Variants in CTNNA2 observed in about 807,000 individuals in gnomAD.
The protein encoded by CTNNA2 is catenin alpha 2.
A neutral mutation model predicts 101.0 loss-of-function variants in CTNNA2; 42 were observed. That is an observed-to-expected ratio of 0.42 (90% CI 0.32 to 0.54). The LOEUF is 0.54. Among genes scored for constraint, CTNNA2 ranks in the 20% least tolerant of loss-of-function variants. The probability of loss-of-function intolerance (pLI) is 0.14; values close to 1 mark genes in which losing one functional copy is unlikely to be tolerated. For synonymous variants in CTNNA2, 450 were observed against 456.4 expected, an observed-to-expected ratio of 0.99 and a Z score of 0.18; for missense variants, 871 against 1,223.1, an observed-to-expected ratio of 0.71 and a Z score of 4.29.
At chr2:79,447,123 G>T (rs937254706) in intron 4 of CTNNA2, among the ~76,000 whole-genome samples, 1 of 152,012 alleles carries the variant, frequency 6.6e-6, no homozygotes, top group African/African-American at 2.4e-5. Flanking sequence ...GGAGTTAGGA[G>T]CCCCGGGTGT....
At chr2:79,466,142 G>T (rs904171372) in intron 4 of CTNNA2, among the ~76,000 whole-genome samples, 1 of 152,190 alleles carries the variant, frequency 6.6e-6, no homozygotes, top group African/African-American at 2.4e-5. Context: ...CTAGCCAAGG[G>T]TAGCTGTGAC....
intron 2 of CTNNA2, among the ~76,000 whole-genome samples, chr2:79,679,132 T>G (rs1054462794): frequency 5.3e-5 from 8 of 152,348 alleles, no homozygotes; most frequent in Admixed American, 2.6e-4. Context: ...ATTATAAAAC[T>G]GTGTTTCGCC....
intron 7 of CTNNA2, among the ~76,000 whole-genome samples, chr2:80,343,222 C>T (rs191686639): frequency 2.1e-4 from 32 of 152,220 alleles, no homozygotes; most frequent in Non-Finnish European, 2.6e-4. Context: ...CATAACACTA[C>T]GTCACATTCT....
At chr2:80,595,205 C>A (rs985564592) in intron 15 of CTNNA2, among the ~76,000 whole-genome samples, 2 of 152,128 alleles carry the variant, frequency 1.3e-5, no homozygotes, top group African/African-American at 4.8e-5. Flanking sequence ...TCTTCTGACT[C>A]CATGGTTAAG....
At chr2:80,415,786 A>G (rs1679984341) in intron 8 of CTNNA2, among the ~76,000 whole-genome samples, 1 of 152,170 alleles carries the variant, frequency 6.6e-6, no homozygotes. Flanking sequence ...CCAAGTATCC[A>G]CTGACAGATA....
At chr2:79,261,782 C>T (rs1211998501) in intron 2 of CTNNA2, among the ~76,000 whole-genome samples, 1 of 152,198 alleles carries the variant, frequency 6.6e-6, no homozygotes, top group Non-Finnish European at 1.5e-5. Context: ...CAGGCTTCAA[C>T]CCATAAATTT....
chr2:79,519,737 G>T (rs942571761), intron 1 of CTNNA2, among the ~76,000 whole-genome samples: 8 of 151,938 alleles, frequency 5.3e-5, no homozygotes, highest in Non-Finnish European at 1.2e-4. Flanking sequence ...TGCAAATTTA[G>T]CTTCACAGTC....
intron 1 of CTNNA2, among the ~76,000 whole-genome samples, chr2:79,575,940 T>G (rs1675766259): frequency 6.6e-6 from 1 of 152,182 alleles, no homozygotes; most frequent in Admixed American, 6.5e-5. Context: ...ATCTTAACTA[T>G]CTCTCAGGAC....
At chr2:79,694,163 G>A (rs1313533103) in intron 2 of CTNNA2, among the ~76,000 whole-genome samples, 3 of 151,746 alleles carry the variant, frequency 2.0e-5, no homozygotes, top group Admixed American at 6.6e-5. Context: ...AAATTGCGTC[G>A]CCTAATTTAG....
intron 1 of CTNNA2, chr2:79,574,322 T>C (rs1004369269): frequency 6.6e-6 from 1 of 152,174 alleles, no homozygotes; most frequent in East Asian, 1.9e-4. Context: ...TCACCCGTAA[T>C]AAGCATAGTA....
At chr2:80,324,038 GA>G (rs1371481421) in intron 7 of CTNNA2, among the ~76,000 whole-genome samples, 1 of 152,112 alleles carries the variant, frequency 6.6e-6, no homozygotes, top group African/African-American at 2.4e-5. Context: ...CTTGCATCAA[GA>G]GAGAAAAAAA....
intron 7 of CTNNA2, among the ~76,000 whole-genome samples, chr2:79,940,287 A>G (rs1291142592): frequency 2.0e-5 from 3 of 152,212 alleles, no homozygotes; most frequent in African/African-American, 4.8e-5. Context: ...TGAAAAGACA[A>G]GCTTTTAAAG....
chr2:79,344,148 C>T (rs540971131), intron 3 of CTNNA2, among the ~76,000 whole-genome samples: 17 of 146,266 alleles, frequency 1.2e-4, no homozygotes, highest in Admixed American at 9.5e-4. Context: ...GCAGGCATTG[C>T]CCAGTGAATT....
chr2:79,579,215 C>T (rs1342516949), intron 1 of CTNNA2, among the ~76,000 whole-genome samples: 2 of 147,902 alleles, frequency 1.4e-5, no homozygotes, highest in Non-Finnish European at 3.0e-5. Context: ...TCCTTCCCTC[C>T]CTCCCTCTAT....
chr2:79,200,959 A>T (rs113588431), intron 2 of CTNNA2, among the ~76,000 whole-genome samples: 190 of 152,362 alleles, frequency 1.2e-3, no homozygotes, highest in African/African-American at 4.3e-3. Flanking sequence ...AAAAAAACAG[A>T]TGTCAGAACC....
intron 7 of CTNNA2, among the ~76,000 whole-genome samples, chr2:80,107,929 G>T (rs1196343990): frequency 6.6e-6 from 1 of 152,154 alleles, no homozygotes; most frequent in Non-Finnish European, 1.5e-5. Flanking sequence ...AGTGGGGCGG[G>T]CAGAGTAAGT....
At chr2:79,215,850 C>A (rs13012847) in intron 2 of CTNNA2, among the ~76,000 whole-genome samples, 122,749 of 151,470 alleles carry the variant, frequency 0.81, 50,071 homozygotes, top group East Asian at 0.99. Flanking sequence ...GGTGGAGGAG[C>A]AGAGGCTGAG....
intron 9 of CTNNA2, among the ~76,000 whole-genome samples, chr2:80,468,303 G>T (rs1476040807): frequency 6.6e-6 from 1 of 152,178 alleles, no homozygotes; most frequent in Non-Finnish European, 1.5e-5. Flanking sequence ...CAAAAGCCAT[G>T]TTTAATACAG....
At chr2:79,275,269 G>T (rs1479763840) in intron 2 of CTNNA2, among the ~76,000 whole-genome samples, 1 of 151,984 alleles carries the variant, frequency 6.6e-6, no homozygotes, top group East Asian at 1.9e-4. Flanking sequence ...TTGTCCAAGA[G>T]GATCAAAGGT....
Sources: allele counts gnomAD v4.1 joint callset (sites outside exome capture counted in the v4.1 genomes callset), GRCh38; gene constraint gnomAD v4.1.1; transcripts MANE v1.5; gene names NCBI Gene and HGNC (gene_info 2026-07-23, HGNC 2026-07-21).